The following MSH3 variants were observed in gnomAD, a reference collection of about 807,000 sequenced individuals.
MSH3 encodes the protein DNA mismatch repair protein Msh3.
Under a neutral mutation model 123.3 loss-of-function variants are expected in MSH3, and 106 were observed. The ratio of observed to expected loss-of-function variants is 0.86; its 90% CI spans 0.73 to 1.01. The LOEUF is 1.01. Among genes scored for constraint, MSH3 ranks in the 50% least tolerant of loss-of-function variants. The pLI is 0.00. For synonymous variants in MSH3, 515 were observed against 481.4 expected (o/e 1.07, Z -0.91); for missense variants, 1,459 against 1,347.6 (o/e 1.08, Z -1.29).
Position 80,876,131 on chromosome 5 carries a change from T to C in MSH3, c.*269T>C, listed in dbSNP as rs1277364589. On this transcript the variant is annotated 3_prime_UTR_variant, in exon 24 of 24. Transcript: ENST00000265081. ...ACAGTAAGTCCAGTAAAGCCTTAAG[T>C]GGCAGAATATAATTCCCAAGCTTTT... The C allele has an allele frequency of 2.6e-6, 1 of 391,746 alleles. No homozygotes were observed. The highest frequency in any genetic ancestry group is 4.1e-5 in the Admixed American group (1 of 24,146). The allele number at this position is 391,746 out of a possible 1,614,324, so 24.3% of individuals were successfully genotyped here. A position where few individuals can be genotyped will look rare whatever the true frequency, so the allele number is the denominator to read the frequency against.
At chr5:80,728,098 G>T (rs1743336763) in intron 9 of MSH3, among the ~76,000 whole-genome samples, 1 of 152,118 alleles carries the variant, frequency 6.6e-6, no homozygotes, top group Admixed American at 6.5e-5. Context: ...GGAGATGGCA[G>T]GCAGTATAGG....
At chr5:80,865,680 A>G (rs752561768) in intron 22 of MSH3, among the ~76,000 whole-genome samples, 104 of 152,278 alleles carry the variant, frequency 6.8e-4, no homozygotes, top group Non-Finnish European at 1.2e-3. Context: ...TCTGTTCAGT[A>G]GTAATTGTTT....
At chr5:80,810,030 A>G (rs1324410523) in intron 19 of MSH3, among the ~76,000 whole-genome samples, 1 of 151,884 alleles carries the variant, frequency 6.6e-6, no homozygotes, top group African/African-American at 2.4e-5. Context: ...AAGTAAATAA[A>G]AAATTGCAGA....
intron 2 of MSH3, among the ~76,000 whole-genome samples, chr5:80,660,189 ACTT>A (rs1462196158): frequency 7.3e-5 from 11 of 150,934 alleles, no homozygotes; most frequent in Non-Finnish European, 1.3e-4. Context: ...GTTGAAAGGC[ACTT>A]CTTTTTTTTT....
intron 8 of MSH3, among the ~76,000 whole-genome samples, chr5:80,715,000 T>G (rs916442741): frequency 1.3e-5 from 2 of 152,206 alleles, no homozygotes. Context: ...CTGAATCAGC[T>G]TATGCCTGCC....
intron 20 of MSH3, 80 bp downstream of exon 20, chr5:80,813,821 A>G (rs779133990): frequency 1.4e-6 from 2 of 1,460,988 alleles, no homozygotes; most frequent in African/African-American, 2.8e-5. Context: ...CCTTTTGTGT[A>G]CATATTTAGA....
At chr5:80,795,558 T>G (rs1363982505) in intron 19 of MSH3, among the ~76,000 whole-genome samples, 1 of 152,130 alleles carries the variant, frequency 6.6e-6, no homozygotes, top group Non-Finnish European at 1.5e-5. Context: ...ACTTGTCATC[T>G]CCTGAAGGCC....
At chr5:80,823,984 C>T (rs971366055) in intron 20 of MSH3, among the ~76,000 whole-genome samples, 1 of 152,168 alleles carries the variant, frequency 6.6e-6, no homozygotes, top group Non-Finnish European at 1.5e-5. Flanking sequence ...GTGGACACAG[C>T]ACATGTTTCA....
intron 20 of MSH3, among the ~76,000 whole-genome samples, chr5:80,853,812 T>G (rs1745870469): frequency 6.6e-6 from 1 of 152,322 alleles, no homozygotes; most frequent in East Asian, 1.9e-4. Context: ...CAGAGAAGTA[T>G]TGTTTTGTCC....
In MSH3 at chr5:80,787,579, A is replaced by G. The variant is rs764649920; in HGVS notation, c.2450A>G (p.His817Arg). Residue 817 changes from histidine (H) to arginine (R), a missense_variant, in exon 18 of 24, where the codon CAT becomes CGT. Coordinates refer to ENST00000265081, the MANE Select transcript of MSH3 (RefSeq NM_002439.5). ...TGCTTCCGTAGGAAATTCAGTGAAC[A>G]TTATCACTCCTTGTGTAAAGCAGTG... ...WLDFLEKFSEHYHSLCKAVHH... is the reference protein window; with the variant it reads ...WLDFLEKFSERYHSLCKAVHH... The G allele has an allele frequency of 5.0e-6, 8 of 1,613,352 alleles. No individual in the cohort carries two copies. In the African/African-American group the frequency reaches 8.0e-5, roughly 16 times the overall value.
At chr5:80,659,049 C>G (rs1749363316) in intron 2 of MSH3, among the ~76,000 whole-genome samples, 2 of 152,142 alleles carry the variant, frequency 1.3e-5, no homozygotes, top group African/African-American at 4.8e-5. Flanking sequence ...GCCTGGCCCA[C>G]ATGGTGAAAC....
intron 20 of MSH3, among the ~76,000 whole-genome samples, chr5:80,829,467 T>C (rs567293469): frequency 4.6e-5 from 7 of 152,354 alleles, no homozygotes; most frequent in Admixed American, 2.0e-4. Context: ...TTTTATCAAA[T>C]GCTTTCTATG....
At chr5:80,807,329 C>T (rs898211512) in intron 19 of MSH3, among the ~76,000 whole-genome samples, 1 of 150,730 alleles carries the variant, frequency 6.6e-6, no homozygotes, top group African/African-American at 2.4e-5. Context: ...CCACAGAAAA[C>T]ATCATCAAAC....
At chr5:80,746,845 GC>G in intron 12 of MSH3, 1 of 252,828 alleles carries the variant, frequency 4.0e-6, no homozygotes, top group Non-Finnish European at 8.2e-6. Flanking sequence ...GAGACCACTG[GC>G]CAGAGGCTCA....
chr5:80,748,163 C>T (rs779515188), intron 12 of MSH3, among the ~76,000 whole-genome samples: 1 of 152,126 alleles, frequency 6.6e-6, no homozygotes, highest in Non-Finnish European at 1.5e-5. Context: ...TGCAAGATCC[C>T]ATTGTTTGTC....
intron 19 of MSH3, among the ~76,000 whole-genome samples, chr5:80,796,973 T>C (rs1177555002): frequency 6.6e-6 from 1 of 152,148 alleles, no homozygotes; most frequent in African/African-American, 2.4e-5. Flanking sequence ...TTCATGCCGT[T>C]CCCAAGTCAC....
intron 8 of MSH3, among the ~76,000 whole-genome samples, chr5:80,704,908 A>G (rs887617586): frequency 2.6e-5 from 4 of 152,126 alleles, no homozygotes; most frequent in Non-Finnish European, 4.4e-5. Context: ...AACCCCATAC[A>G]GTGAGAGCAC....
At chr5:80,697,118 T>A (rs1020127466) in intron 8 of MSH3, among the ~76,000 whole-genome samples, 2 of 152,224 alleles carry the variant, frequency 1.3e-5, no homozygotes, top group African/African-American at 2.4e-5. Context: ...TTAGTTCATA[T>A]TTCCTTCTTA....
At chr5:80,852,073 C>T (rs1278202464) in intron 20 of MSH3, among the ~76,000 whole-genome samples, 2 of 152,150 alleles carry the variant, frequency 1.3e-5, no homozygotes, top group African/African-American at 4.8e-5. Context: ...TGCCTGTAAT[C>T]TCAGCATTTT....
Sources: gnomAD v4.1 joint callset for allele counts (sites outside exome capture counted in the v4.1 genomes callset) on GRCh38, gnomAD v4.1.1 for gene constraint, MANE v1.5 for transcripts, NCBI Gene and HGNC (gene_info 2026-07-23, HGNC 2026-07-21) for gene names.